RPS6KA2: variants seen among roughly 807,000 people sequenced by gnomAD.
RPS6KA2 encodes ribosomal protein S6 kinase A2, also known as ribosomal protein S6 kinase alpha-2.
In RPS6KA2, 42 loss-of-function variants were observed where a neutral mutation model predicts 91.8. The observed-to-expected ratio is 0.46, with a 90% CI of 0.36 to 0.59. RPS6KA2 has a LOEUF of 0.59. RPS6KA2 is among the 20% of genes least tolerant of loss of function. The probability of loss-of-function intolerance (pLI) is 0.00; values close to 1 mark genes in which losing one functional copy is unlikely to be tolerated. For synonymous variants in RPS6KA2, 414 were observed against 393.6 expected, an observed-to-expected ratio of 1.05 and a Z score of -0.61; for missense variants, 798 against 978.5, an observed-to-expected ratio of 0.82 and a Z score of 2.46.
chr6:166,586,441 C>G (rs1455677911), intron 1 of RPS6KA2: 4 of 1,599,724 alleles, frequency 2.5e-6, no homozygotes, highest in Non-Finnish European at 3.4e-6. Flanking sequence ...GCAAACATCT[C>G]TTCAAAATTT....
rs111572976 is a variant in RPS6KA2 at position 166,428,854 on chromosome 6, C to G, written c.1581+1599G>C. Among the ~76,000 whole-genome samples the G allele has an allele frequency of 7.1e-3, 1,067 of 151,064 alleles. 12 individuals carry two copies. Among genetic ancestry groups the G allele is most frequent in the African/African-American group, 0.024 (1,010 of 41,246 alleles). On this transcript the variant is annotated intron_variant, in intron 16 of 20. Coordinates refer to ENST00000265678, the MANE Select transcript of RPS6KA2 (RefSeq NM_021135.6). Reference sequence around the variant, plus strand: ...CTGTTGGTGGGACTGTAAACTAGTTCAACCATTGTGGAAGTCAGTGTGGCG... The same window carrying G: ...CTGTTGGTGGGACTGTAAACTAGTTGAACCATTGTGGAAGTCAGTGTGGCG...
At chr6:166,812,535 C>T (rs963987588) in intron 2 of RPS6KA2, among the ~76,000 whole-genome samples, 2 of 152,068 alleles carry the variant, frequency 1.3e-5, no homozygotes, top group African/African-American at 4.8e-5. Context: ...TCTCAAAGCC[C>T]TGCAGGGCCC....
chr6:166,816,414 G>C (rs1779766296), intron 2 of RPS6KA2, among the ~76,000 whole-genome samples: 2 of 107,990 alleles, frequency 1.9e-5, no homozygotes, highest in African/African-American at 6.6e-5. Context: ...AAATAGCTGG[G>C]TGTGGTGGCA....
Position 166,770,953 on chromosome 6 carries a change from C to T in RPS6KA2, c.123+87247G>A, listed in dbSNP as rs1301451139. 1.3e-6 allele frequency: 2 copies of T among 1,581,680 alleles called. No individual in the cohort carries two copies. The highest frequency in any genetic ancestry group is 2.2e-5 in the East Asian group (1 of 44,816). ...ACGAAGAAAGAATTCCTTTAAGTCACAGGACGTATTTACAGTCAGCAACTT... is the reference window on the plus strand; with the variant it reads ...ACGAAGAAAGAATTCCTTTAAGTCATAGGACGTATTTACAGTCAGCAACTT... On this transcript the variant is annotated intron_variant, in intron 2 of 21. Transcript: ENST00000503859. The surrounding 1 kb of genome is among the most constrained non-coding windows in gnomAD (Gnocchi z 5.1).
At chr6:166,467,019 CTCAT>C (rs1256315922) in intron 11 of RPS6KA2, among the ~76,000 whole-genome samples, 7 of 152,228 alleles carry the variant, frequency 4.6e-5, no homozygotes, top group South Asian at 2.1e-4. Context: ...CATTCATTCA[CTCAT>C]TCATTCACTT....
intron 2 of RPS6KA2, among the ~76,000 whole-genome samples, chr6:166,850,345 T>C (rs928053994): frequency 1.3e-5 from 2 of 152,070 alleles, no homozygotes; most frequent in African/African-American, 4.8e-5. Flanking sequence ...AAAAAACCTA[T>C]ATATGTATAT....
Position 166,432,568 on chromosome 6 carries a change from T to C in RPS6KA2, c.1333-78A>G, listed in dbSNP as rs1048583165. The C allele has an allele frequency of 5.0e-5, 43 of 865,930 alleles. No individual in the cohort carries two copies. In the African/African-American group the frequency reaches 5.8e-4, roughly 12 times the overall value. The allele number at this position is 865,930 out of a possible 1,614,324, so 53.6% of individuals were successfully genotyped here. ...GGTATCTGCTGGTGGACCATTGAGTTTGGATAAAGTCTGGCCCCAGGTGGC... is the reference window on the plus strand; with the variant it reads ...GGTATCTGCTGGTGGACCATTGAGTCTGGATAAAGTCTGGCCCCAGGTGGC... On this transcript the variant is annotated intron_variant, in intron 14 of 20. Coordinates refer to ENST00000265678, the MANE Select transcript of RPS6KA2 (RefSeq NM_021135.6).
chr6:166,525,871 G>C (rs7754651), intron 3 of RPS6KA2, among the ~76,000 whole-genome samples: 1 of 152,148 alleles, frequency 6.6e-6, no homozygotes, highest in Non-Finnish European at 1.5e-5. Context: ...GGTGGAGAAC[G>C]GGTTAGGAGA....
intron 16 of RPS6KA2, 66 bp downstream of exon 16, chr6:166,430,387 T>G: frequency 7.0e-7 from 1 of 1,438,028 alleles, no homozygotes. Flanking sequence ...CCATAAACCC[T>G]TGTGGTTTTG....
chr6:166,463,541 G>A (rs1780407840), intron 11 of RPS6KA2: 1 of 152,190 alleles, frequency 6.6e-6, no homozygotes, highest in South Asian at 2.1e-4. Flanking sequence ...AAGCGCACGT[G>A]AGGAAGCCCG....
chr6:166,862,014 G>A (rs1239591147), intron 1 of RPS6KA2: 1 of 1,508,676 alleles, frequency 6.6e-7, no homozygotes, highest in Non-Finnish European at 9.2e-7. Flanking sequence ...TCACCTAATG[G>A]ACATGAACTG....
intron 2 of RPS6KA2, among the ~76,000 whole-genome samples, chr6:166,798,986 C>A (rs1481792681): frequency 1.3e-5 from 2 of 152,244 alleles, no homozygotes; most frequent in Non-Finnish European, 2.9e-5. Context: ...TGAAAGAGAG[C>A]CCCTATTCAA....
chr6:166,763,637 C>A (rs16899408), intron 2 of RPS6KA2, among the ~76,000 whole-genome samples: 1 of 152,092 alleles, frequency 6.6e-6, no homozygotes, highest in African/African-American at 2.4e-5. Flanking sequence ...CCTTGGAAAC[C>A]AAAAGTTAAT....
chr6:166,458,017 C>A (rs114113959), intron 12 of RPS6KA2, among the ~76,000 whole-genome samples: 2,807 of 152,310 alleles, frequency 0.018, 80 homozygotes, highest in African/African-American at 0.063. Context: ...ACAGAAGGAG[C>A]TTGTGGATGG....
At chr6:166,657,986 C>T (rs533040242) in intron 2 of RPS6KA2, among the ~76,000 whole-genome samples, 79 of 152,200 alleles carry the variant, frequency 5.2e-4, no homozygotes, top group Non-Finnish European at 1.0e-3. Flanking sequence ...CCGGTTCAAG[C>T]GAGTCTCATG....
In RPS6KA2 at chr6:166,648,388, C is replaced by G. The variant is rs916411591; in HGVS notation, c.124-109604G>C. On this transcript the variant is annotated intron_variant, in intron 2 of 21. Transcript: ENST00000503859. This position sits in a 1 kb window ranked among gnomAD's most constrained non-coding sequence, Gnocchi z 4.8. ...GCTGTTTTTCTGAGGGCCTGGAGAA[C>G]ATTGTGCACGCCTCCATCTTACCAT... 6.6e-6 allele frequency among the ~76,000 whole-genome samples: 1 copy of G among 152,196 alleles called. No individual in the cohort carries two copies. Among genetic ancestry groups the G allele is most frequent in the Non-Finnish European group, 1.5e-5 (1 of 68,030 alleles).
intron 7 of RPS6KA2, 126 bp from the exon 8 acceptor site, chr6:166,498,776 G>A (rs1171576937): frequency 4.8e-6 from 6 of 1,254,500 alleles, no homozygotes; most frequent in East Asian, 2.4e-5. Context: ...GCAGAGCCCT[G>A]CTCAGCAAAA....
chr6:166,855,096 C>T (rs367642565), intron 2 of RPS6KA2, among the ~76,000 whole-genome samples: 31 of 152,088 alleles, frequency 2.0e-4, no homozygotes, highest in African/African-American at 6.5e-4. Flanking sequence ...TCAGAAATGC[C>T]GCATGTTCTC....
chr6:166,779,680 G>A (rs1778715521), intron 2 of RPS6KA2, among the ~76,000 whole-genome samples: 1 of 152,196 alleles, frequency 6.6e-6, no homozygotes, highest in African/African-American at 2.4e-5. Flanking sequence ...TAGGTGAGCG[G>A]CCAGGGTGTT....
Sources: allele counts gnomAD v4.1 joint callset (sites outside exome capture counted in the v4.1 genomes callset), GRCh38; gene constraint gnomAD v4.1.1; non-coding constraint Gnocchi (gnomAD v3.1); transcripts MANE v1.5; gene names NCBI Gene and HGNC (gene_info 2026-07-23, HGNC 2026-07-21).